ENTPD4: variants seen among roughly 807,000 people sequenced by gnomAD.
ENTPD4 encodes ectonucleoside triphosphate diphosphohydrolase 4.
Under a neutral mutation model 79.1 loss-of-function variants are expected in ENTPD4, and 60 were observed. The ratio of observed to expected loss-of-function variants is 0.76; its 90% CI spans 0.62 to 0.94. ENTPD4 has a LOEUF of 0.94. Ranked by LOEUF, ENTPD4 falls within the 40% of genes least tolerant of loss-of-function variation. ENTPD4 has a pLI of 0.00. For missense variants in ENTPD4, 772 were observed against 775.1 expected (o/e 1.00, Z 0.05); for synonymous variants, 276 against 292.0 (o/e 0.95, Z 0.56).
At chr8:23,435,326 G>T (rs900401303) in intron 11 of ENTPD4, 66 bp downstream of exon 11, 2 of 1,126,524 alleles carry the variant, frequency 1.8e-6, no homozygotes, top group Non-Finnish European at 2.6e-6. Context: ...GGTGTGGCAA[G>T]CCAGTGGGGC....
intron 9 of ENTPD4, among the ~76,000 whole-genome samples, chr8:23,438,981 T>C (rs1460901046): frequency 6.6e-6 from 1 of 152,188 alleles, no homozygotes; most frequent in Non-Finnish European, 1.5e-5. Flanking sequence ...TCCCTCAAAA[T>C]TGTTTCATCA....
rs995337884 is a variant in ENTPD4 at position 23,429,561 on chromosome 8, A to G, written c.*3365T>C. On this transcript the variant is annotated 3_prime_UTR_variant, in exon 13 of 13. Transcript: ENST00000358689. ...TTAAAGGATGAAAAACTCATTTGCCATTTTTAGTTTCTTGCTAAGTGATAC... is the reference window on the plus strand; with the variant it reads ...TTAAAGGATGAAAAACTCATTTGCCGTTTTTAGTTTCTTGCTAAGTGATAC... 2 of 985,322 alleles carry G rather than the reference A, an allele frequency of 2.0e-6. No individual in the cohort carries two copies. The highest frequency in any genetic ancestry group is 2.4e-6 in the Non-Finnish European group (2 of 829,912). The allele number at this position is 985,322 out of a possible 1,614,324, so 61.0% of individuals were successfully genotyped here. A position where few individuals can be genotyped will look rare whatever the true frequency, so the allele number is the denominator to read the frequency against.
rs74657467 is a variant in ENTPD4 at position 23,436,342 on chromosome 8, G to C, written c.1374+592C>G. Among the ~76,000 whole-genome samples the C allele has an allele frequency of 7.9e-3, 1,206 of 152,302 alleles. 57 individuals carry two copies. The highest frequency in any genetic ancestry group is 0.073 in the Admixed American group (1,109 of 15,288). The stretch of plus-strand genomic sequence containing the variant: ...CATGACTCCTAGGCTGCAGGGAAGG[G>C]GACTGGATGGTTGGCGATGCCATTA... On this transcript the variant is annotated intron_variant, in intron 10 of 12. Transcript: ENST00000358689.
In ENTPD4 at chr8:23,432,269, T is replaced by TA; in HGVS notation, c.*656dup. On this transcript the variant is annotated 3_prime_UTR_variant, in exon 13 of 13. Coordinates refer to ENST00000358689, the MANE Select transcript of ENTPD4 (RefSeq NM_004901.5). ...TTTTTTGGTTCTATGAAAGCATCAC[T>TA]ATTCAGTCCCCTCTCCACTGACAGA... 1 of 985,392 alleles carries TA rather than the reference T, an allele frequency of 1.0e-6. No individual in the cohort carries two copies. The allele number at this position is 985,392 out of a possible 1,614,324, so 61.0% of individuals were successfully genotyped here. A position where few individuals can be genotyped will look rare whatever the true frequency, so the allele number is the denominator to read the frequency against.
chr8:23,446,260 C>T lies in ENTPD4; in HGVS notation c.412+1420G>A, dbSNP rs144022519. Among the ~76,000 whole-genome samples, 710 of 152,282 alleles carry T rather than the reference C, an allele frequency of 4.7e-3. 4 individuals are homozygous for T. The highest frequency in any genetic ancestry group is 0.016 in the African/African-American group (682 of 41,562). ...CTCTAGGATGATAATGTAGTTGACC[C>T]TTTGTTCTAAAAGGACAACTCCAAG... is the stretch of plus-strand genomic sequence containing the variant. On this transcript the variant is annotated intron_variant, in intron 4 of 12. Coordinates refer to ENST00000358689, the MANE Select transcript of ENTPD4 (RefSeq NM_004901.5).
intron 3 of ENTPD4, 146 bp from the exon 4 acceptor site, chr8:23,448,031 AAG>A (rs1419858205): frequency 7.8e-6 from 5 of 637,166 alleles, no homozygotes; most frequent in Non-Finnish European, 1.4e-5. Flanking sequence ...TGAATAATTG[AAG>A]AGTCAAAAGA....
rs1381542044 is a variant in ENTPD4 at position 23,449,938 on chromosome 8, A to T, written c.-38T>A. ...GCAACAAGGCAATGCTCTGGGATTC[A>T]GTCCTTCTCACAAACAATTATAGAA... On this transcript the variant is annotated 5_prime_UTR_variant, in exon 2 of 13. Coordinates refer to ENST00000358689, the MANE Select transcript of ENTPD4 (RefSeq NM_004901.5). The T allele has an allele frequency of 6.2e-7, 1 of 1,613,810 alleles. No homozygotes were observed. Among genetic ancestry groups the T allele is most frequent in the Non-Finnish European group, 8.5e-7 (1 of 1,179,790 alleles).
chr8:23,430,179 T>C lies in ENTPD4; in HGVS notation c.*2747A>G. On this transcript the variant is annotated 3_prime_UTR_variant, in exon 13 of 13. Coordinates refer to ENST00000358689, the MANE Select transcript of ENTPD4 (RefSeq NM_004901.5). ...CTCTTAGAGAAAGCACCTGGCTGTC[T>C]TCACCTACGCGAGACCTTCTCTGGA... 1 of 985,466 alleles carries C rather than the reference T, an allele frequency of 1.0e-6. No homozygotes were observed. The highest frequency in any genetic ancestry group is 1.2e-6 in the Non-Finnish European group (1 of 829,954). The allele number at this position is 985,466 out of a possible 1,614,324, so 61.0% of individuals were successfully genotyped here. A position where few individuals can be genotyped will look rare whatever the true frequency, so the allele number is the denominator to read the frequency against.
intron 12 of ENTPD4, chr8:23,434,013 G>A (rs1489422220): frequency 5.7e-6 from 2 of 349,440 alleles, no homozygotes; most frequent in African/African-American, 2.0e-5. Context: ...AGAGGCCTGA[G>A]TCATAAAGGT....
intron 11 of ENTPD4, among the ~76,000 whole-genome samples, chr8:23,435,141 C>G (rs1008267084): frequency 6.6e-5 from 10 of 152,168 alleles, no homozygotes; most frequent in Admixed American, 6.5e-4. Flanking sequence ...GATGTCTGGG[C>G]AGGACTTGAA....
chr8:23,446,439 G>A (rs1389483380), intron 4 of ENTPD4, among the ~76,000 whole-genome samples: 4 of 152,084 alleles, frequency 2.6e-5, no homozygotes, highest in Non-Finnish European at 5.9e-5. Flanking sequence ...ATGTTTCTAG[G>A]TTAGGGATAC....
At chr8:23,437,334 T>C (rs1782934039) in intron 9 of ENTPD4, 76 bp from the exon 10 acceptor site, 1 of 1,128,120 alleles carries the variant, frequency 8.9e-7, no homozygotes, top group Admixed American at 2.4e-5. Context: ...AAACCAGTGT[T>C]TCTCAAAATA....
intron 4 of ENTPD4, among the ~76,000 whole-genome samples, chr8:23,445,592 A>C (rs1800751175): frequency 6.6e-6 from 1 of 151,968 alleles, no homozygotes; most frequent in Non-Finnish European, 1.5e-5. Flanking sequence ...TAATTCCTGC[A>C]CACCCACTTG....
intron 12 of ENTPD4, among the ~76,000 whole-genome samples, 171 bp from the exon 13 acceptor site, chr8:23,433,325 G>C (rs1429435892): frequency 6.6e-6 from 1 of 152,224 alleles, no homozygotes; most frequent in Non-Finnish European, 1.5e-5. Context: ...CTAAGTATCA[G>C]TGAGATAACA....
At chr8:23,443,179 AAT>A (rs1491085582) in intron 6 of ENTPD4, among the ~76,000 whole-genome samples, 1 of 151,062 alleles carries the variant, frequency 6.6e-6, no homozygotes, top group Non-Finnish European at 1.5e-5. Flanking sequence ...GAAAAAAAAA[AAT>A]GCCTCCCTCT....
rs1800425460 is a variant in ENTPD4 at position 23,429,860 on chromosome 8, T to G, written c.*3066A>C. 2 of 985,344 alleles carry G rather than the reference T, an allele frequency of 2.0e-6. No individual in the cohort carries two copies. The highest frequency in any genetic ancestry group is 3.5e-5 in the African/African-American group (2 of 57,254). 61.0% of individuals were successfully genotyped at this position (985,344 alleles called of 1,614,324 possible). A position where few individuals can be genotyped will look rare whatever the true frequency, so the allele number is the denominator to read the frequency against. ...AAGCACTGGTACAGTTCCATGTGTT[T>G]CTCTTCTACTGTAATGTCCCCAGAG... On this transcript the variant is annotated 3_prime_UTR_variant, in exon 13 of 13. Coordinates refer to ENST00000358689, the MANE Select transcript of ENTPD4 (RefSeq NM_004901.5).
intron 1 of ENTPD4, among the ~76,000 whole-genome samples, chr8:23,453,210 T>C (rs559944923): frequency 3.9e-4 from 59 of 152,204 alleles, no homozygotes; most frequent in Non-Finnish European, 6.6e-4. Context: ...TTTAATATGG[T>C]GTCCATATTG....
intron 1 of ENTPD4, among the ~76,000 whole-genome samples, chr8:23,452,339 A>T (rs1800879453): frequency 6.6e-6 from 1 of 152,184 alleles, no homozygotes; most frequent in African/African-American, 2.4e-5. Flanking sequence ...CACTAGAGTG[A>T]CATTTCCAAA....
rs536360521 is a variant in ENTPD4, at chr8:23,431,853, T to G, written c.*1073A>C. 351 of 985,434 alleles carry G rather than the reference T, an allele frequency of 3.6e-4. 5 individuals are homozygous for G. The South Asian group carries it at 0.014, about 40-fold the overall frequency. 61.0% of individuals were successfully genotyped at this position (985,434 alleles called of 1,614,324 possible). On this transcript the variant is annotated 3_prime_UTR_variant, in exon 13 of 13. Coordinates refer to ENST00000358689, the MANE Select transcript of ENTPD4 (RefSeq NM_004901.5). ...CAATTCTTTCAAAACCACAGTGTTCTAATGCCACTGAAATATGGAATAAGG... is the reference window on the plus strand; with the variant it reads ...CAATTCTTTCAAAACCACAGTGTTCGAATGCCACTGAAATATGGAATAAGG...
Sources: allele counts gnomAD v4.1 joint callset (sites outside exome capture counted in the v4.1 genomes callset), GRCh38; gene constraint gnomAD v4.1.1; transcripts MANE v1.5; gene names NCBI Gene and HGNC (gene_info 2026-07-23, HGNC 2026-07-21).